Variants in CTBP2 observed in about 807,000 individuals in gnomAD.
CTBP2 encodes the protein C-terminal binding protein 2, also known as C-terminal-binding protein 2.
CTBP2 carries 30 observed loss-of-function variants against 80.3 expected under a neutral mutation model. The ratio of observed to expected loss-of-function variants is 0.37; its 90% CI spans 0.28 to 0.51. The LOEUF (loss-of-function observed/expected upper bound fraction) is 0.51, where lower values mean the gene tolerates loss of function less well. CTBP2 is among the 20% of genes least tolerant of loss of function. CTBP2 has a pLI of 0.93. For synonymous variants in CTBP2, 594 were observed against 587.4 expected, an observed-to-expected ratio of 1.01 and a Z score of -0.16; for missense variants, 1,212 against 1,375.3, an observed-to-expected ratio of 0.88 and a Z score of 1.88.
Position 124,988,052 on chromosome 10 carries a change from A to C in CTBP2, c.*1466T>G, listed in dbSNP as rs1157224508. 2 of 150,116 alleles carry C rather than the reference A, an allele frequency of 1.3e-5. No individual in the cohort carries two copies. Among genetic ancestry groups the C allele is most frequent in the African/African-American group, 2.5e-5 (1 of 39,904 alleles). 9.3% of individuals were successfully genotyped at this position (150,116 alleles called of 1,614,324 possible). A position where few individuals can be genotyped will look rare whatever the true frequency, so the allele number is the denominator to read the frequency against. ...GGGGTAGATTAAAGTCAGAACTCTA[A>C]AAGTTGAGCAACTTTGTTTTTTTTT... On this transcript the variant is annotated 3_prime_UTR_variant, in exon 9 of 9. Coordinates refer to ENST00000309035, the MANE Select transcript of CTBP2 (RefSeq NM_022802.3).
At chr10:125,130,084 G>T (rs1020134944) in intron 1 of CTBP2, among the ~76,000 whole-genome samples, 2 of 139,988 alleles carry the variant, frequency 1.4e-5, no homozygotes, top group Admixed American at 7.4e-5. Flanking sequence ...TTTCACTCTT[G>T]TTGCCCAGGC....
chr10:125,014,293 C>T (rs1405236560), intron 1 of CTBP2, among the ~76,000 whole-genome samples: 2 of 152,164 alleles, frequency 1.3e-5, no homozygotes, highest in East Asian at 3.9e-4. Flanking sequence ...GAAATCCCAT[C>T]TCTACAAAAT....
At position 125,026,603 on chromosome 10, in the gene CTBP2, A is replaced by G; in HGVS notation, c.1157T>C (p.Leu386Pro). 7.6e-7 allele frequency: 1 copy of G among 1,317,192 alleles called. No homozygotes were observed. The highest frequency in any genetic ancestry group is 1.0e-6 in the Non-Finnish European group (1 of 959,934). 81.6% of individuals were successfully genotyped at this position (1,317,192 alleles called of 1,614,324 possible). ...TGTCTGCAGAGGAGCCGCAGCGCCC[A>G]GAGAAGCCAAGTCACCATGGAGCAG... The change falls in exon 1 of 9, where the codon CTG becomes CCG. Residue 386 changes from leucine (L) to proline (P), a missense_variant. Transcript: ENST00000309035.
chr10:125,132,805 T>C (rs1020839597), intron 1 of CTBP2, among the ~76,000 whole-genome samples: 1 of 152,218 alleles, frequency 6.6e-6, no homozygotes, highest in Non-Finnish European at 1.5e-5. Context: ...TACTGAAATA[T>C]CAACAACAAG....
chr10:125,139,613 T>C (rs1857483937), intron 1 of CTBP2, among the ~76,000 whole-genome samples: 1 of 152,092 alleles, frequency 6.6e-6, no homozygotes, highest in African/African-American at 2.4e-5. Context: ...CCTGGGCATG[T>C]AATAGCAAAA....
In CTBP2 at chr10:125,027,851, T is replaced by C. The variant is rs758233018; in HGVS notation, c.-92A>G. ...ATCAAAAACAGACCTGGCTGTGTGCTAACCCTTCCGAGACGGCAGGGACAA... is the reference window on the plus strand; with the variant it reads ...ATCAAAAACAGACCTGGCTGTGTGCCAACCCTTCCGAGACGGCAGGGACAA... On this transcript the variant is annotated 5_prime_UTR_variant, in exon 1 of 9. Transcript: ENST00000309035. 2.8e-6 allele frequency: 4 copies of C among 1,433,564 alleles called. No homozygotes were observed. The highest frequency in any genetic ancestry group is 2.7e-6 in the Non-Finnish European group (3 of 1,097,418). 88.8% of individuals were successfully genotyped at this position (1,433,564 alleles called of 1,614,324 possible).
chr10:125,073,902 G>A lies in CTBP2; in HGVS notation c.-101-34747C>T, dbSNP rs183879822. ...GTCTGTCTGATGTCATCTTTCCCAG[G>A]ACGGTCTGTTCTTACTCCCACGGCC... On this transcript the variant is annotated intron_variant, in intron 2 of 10. Transcript: ENST00000337195. 1.9e-3 allele frequency among the ~76,000 whole-genome samples: 284 copies of A among 152,300 alleles called. 2 individuals are homozygous for A. Among genetic ancestry groups the A allele is most frequent in the Admixed American group, 0.011 (165 of 15,304 alleles).
Position 125,004,906 on chromosome 10 carries a change from G to A in CTBP2, c.1679-1414C>T, listed in dbSNP as rs147960329. The stretch of plus-strand genomic sequence containing the variant: ...CACAAAGGCCAACTTCATCTGTGTG[G>A]CCTCGCCTTCCATCCCTAACCTCCT... On this transcript the variant is annotated intron_variant, in intron 1 of 8. Transcript: ENST00000309035. Among the ~76,000 whole-genome samples the A allele has an allele frequency of 1.8e-3, 270 of 152,084 alleles. 1 individual carries two copies. Among genetic ancestry groups the A allele is most frequent in the African/African-American group, 5.7e-3 (238 of 41,576 alleles).
At chr10:125,024,144 T>G (rs887271717) in intron 1 of CTBP2, among the ~76,000 whole-genome samples, 13 of 152,356 alleles carry the variant, frequency 8.5e-5, no homozygotes, top group Non-Finnish European at 8.8e-5. Flanking sequence ...CAAATGTGAC[T>G]GCGGATTCTG....
Position 124,987,555 on chromosome 10 carries a change from C to T in CTBP2, c.*1963G>A, listed in dbSNP as rs903437675. On this transcript the variant is annotated 3_prime_UTR_variant, in exon 9 of 9. Transcript: ENST00000309035. ...CTCCTTTTCACGCATATTTCATTGC[C>T]TCTTTGATGAGTGGTTACGAAGACG... The T allele has an allele frequency of 3.9e-5, 6 of 152,070 alleles. No individual in the cohort carries two copies. The highest frequency in any genetic ancestry group is 1.4e-4 in the African/African-American group (6 of 41,404). The allele number at this position is 152,070 out of a possible 1,614,324, so 9.4% of individuals were successfully genotyped here. A position where few individuals can be genotyped will look rare whatever the true frequency, so the allele number is the denominator to read the frequency against.
Position 124,993,356 on chromosome 10 carries a change from A to G in CTBP2, c.2532-27T>C, listed in dbSNP as rs1952980962. The G allele has an allele frequency of 7.5e-6, 12 of 1,600,316 alleles. No homozygotes were observed. In the Middle Eastern group the frequency reaches 5.0e-4, roughly 66 times the overall value. On this transcript the variant is annotated intron_variant, in intron 6 of 8. Coordinates refer to ENST00000309035, the MANE Select transcript of CTBP2 (RefSeq NM_022802.3). ...TAGAAAAATGTAGAAAAAACAGAGT[A>G]AGCGGGAAATGTCGCATACGCTCCC... is the stretch of plus-strand genomic sequence containing the variant.
intron 2 of CTBP2, among the ~76,000 whole-genome samples, chr10:125,064,190 A>G (rs1384731317): frequency 6.6e-6 from 1 of 152,232 alleles, no homozygotes; most frequent in African/African-American, 2.4e-5. Flanking sequence ...CTCGGTTTTC[A>G]CCAGAGTTTG....
At chr10:125,041,635 T>C (rs985494779) in intron 2 of CTBP2, among the ~76,000 whole-genome samples, 14 of 151,654 alleles carry the variant, frequency 9.2e-5, no homozygotes, top group African/African-American at 3.2e-4. Flanking sequence ...GACTCTGTTG[T>C]AAAAACAGAT....
intron 2 of CTBP2, among the ~76,000 whole-genome samples, chr10:125,040,535 AT>A (rs140771355): frequency 0.018 from 2,608 of 141,370 alleles, 90 homozygotes; most frequent in African/African-American, 0.065. Flanking sequence ...TGTCTTCTGT[AT>A]TTTTTTTTTC....
rs577904198 is a variant in CTBP2 at position 125,151,780 on chromosome 10, G to C, written c.-206+8539C>G. Among the ~76,000 whole-genome samples the C allele has an allele frequency of 1.4e-3, 218 of 152,302 alleles. 2 individuals carry two copies. Among genetic ancestry groups the C allele is most frequent in the Admixed American group, 0.011 (169 of 15,302 alleles). On this transcript the variant is annotated intron_variant, in intron 1 of 10. Coordinates refer to the CTBP2 transcript ENST00000337195. The stretch of plus-strand genomic sequence containing the variant: ...GTGGTCTCGAGGCTCCTACCTTGCC[G>C]GGGCCTCGCGGACCGGAGAGGGGCC...
At chr10:125,143,196 C>T (rs979696203) in intron 1 of CTBP2, among the ~76,000 whole-genome samples, 2 of 152,142 alleles carry the variant, frequency 1.3e-5, no homozygotes, top group East Asian at 3.9e-4. Flanking sequence ...GAAGCAAATT[C>T]GCCTCAGCCG....
intron 1 of CTBP2, among the ~76,000 whole-genome samples, chr10:125,135,625 C>T (rs1289233980): frequency 6.6e-6 from 1 of 152,236 alleles, no homozygotes; most frequent in Non-Finnish European, 1.5e-5. Context: ...AGCTAGCCCT[C>T]CTCTCCATCC....
At chr10:125,034,334 C>T (rs1045938176) in intron 3 of CTBP2, among the ~76,000 whole-genome samples, 9 of 152,178 alleles carry the variant, frequency 5.9e-5, no homozygotes, top group African/African-American at 2.2e-4. Context: ...AAACTTTACC[C>T]CTTGCAAAGA....
At chr10:125,014,444 T>G (rs1956269278) in intron 1 of CTBP2, among the ~76,000 whole-genome samples, 3 of 152,218 alleles carry the variant, frequency 2.0e-5, no homozygotes, top group Admixed American at 1.3e-4. Flanking sequence ...AGAGTGAGAC[T>G]TGGCTCTAAA....
Sources: gnomAD v4.1 joint callset for allele counts (sites outside exome capture counted in the v4.1 genomes callset) on GRCh38, gnomAD v4.1.1 for gene constraint, MANE v1.5 for transcripts, NCBI Gene and HGNC (gene_info 2026-07-23, HGNC 2026-07-21) for gene names.